Variants in CCSER1 observed in about 807,000 individuals in gnomAD.
CCSER1 encodes coiled-coil serine rich protein 1.
In CCSER1, 41 loss-of-function variants were observed where a neutral mutation model predicts 82.0. The observed-to-expected ratio is 0.50, with a 90% CI of 0.39 to 0.65. CCSER1 has a LOEUF of 0.65. Ranked by LOEUF, CCSER1 falls within the 30% of genes least tolerant of loss-of-function variation. The pLI, the probability that CCSER1 is intolerant of heterozygous loss-of-function variation, is 0.00. For missense variants in CCSER1, 1,119 were observed against 1,064.2 expected (o/e 1.05, Z -0.72); for synonymous variants, 414 against 383.9 (o/e 1.08, Z -0.92).
At chr4:91,502,282 A>T (rs1473867531) in intron 10 of CCSER1, among the ~76,000 whole-genome samples, 2 of 152,216 alleles carry the variant, frequency 1.3e-5, no homozygotes. Flanking sequence ...AAAGGGAAGG[A>T]CAACTCTCTT....
At chr4:90,250,562 C>T (rs764434026) in intron 1 of CCSER1, among the ~76,000 whole-genome samples, 12 of 152,092 alleles carry the variant, frequency 7.9e-5, no homozygotes, top group Non-Finnish European at 1.8e-4. Context: ...TTCTGTTCCA[C>T]TGCTTTATAT....
At chr4:90,433,814 G>A (rs1560511139) in intron 4 of CCSER1, among the ~76,000 whole-genome samples, 1 of 151,756 alleles carries the variant, frequency 6.6e-6, no homozygotes, top group Non-Finnish European at 1.5e-5. Context: ...TCTTAGGACA[G>A]CACATATAAT....
intron 5 of CCSER1, among the ~76,000 whole-genome samples, chr4:90,552,753 A>G (rs1458608430): frequency 6.6e-6 from 1 of 152,074 alleles, no homozygotes; most frequent in Non-Finnish European, 1.5e-5. Flanking sequence ...CACTGCGCAC[A>G]GCCCACAATT....
intron 10 of CCSER1, among the ~76,000 whole-genome samples, chr4:91,548,080 C>T (rs971545068): frequency 2.4e-4 from 36 of 152,130 alleles, no homozygotes; most frequent in African/African-American, 7.0e-4. Context: ...TGAGCCACTG[C>T]GCCTGGCCCT....
intron 3 of CCSER1, among the ~76,000 whole-genome samples, chr4:90,363,388 A>G (rs942382729): frequency 6.6e-6 from 1 of 152,204 alleles, no homozygotes; most frequent in Non-Finnish European, 1.5e-5. Context: ...AGAAAATCAT[A>G]GACTTTTTGA....
At chr4:91,392,783 C>G (rs1163561847) in intron 10 of CCSER1, among the ~76,000 whole-genome samples, 1 of 151,930 alleles carries the variant, frequency 6.6e-6, no homozygotes, top group Non-Finnish European at 1.5e-5. Flanking sequence ...TTGATTTATT[C>G]CAAAAGTCAC....
intron 9 of CCSER1, among the ~76,000 whole-genome samples, chr4:91,053,971 T>A (rs144849017): frequency 6.6e-6 from 1 of 152,346 alleles, no homozygotes; most frequent in African/African-American, 2.4e-5. Flanking sequence ...CCTTTGCCAT[T>A]ATAACATAGT....
At chr4:91,569,410 T>C (rs73836227) in intron 10 of CCSER1, among the ~76,000 whole-genome samples, 10,515 of 152,208 alleles carry the variant, frequency 0.069, 403 homozygotes, top group Middle Eastern at 0.099. Flanking sequence ...GATTGTTTGG[T>C]TGTCTCCTGG....
chr4:90,889,533 A>G (rs1722657652), intron 8 of CCSER1, among the ~76,000 whole-genome samples: 1 of 152,210 alleles, frequency 6.6e-6, no homozygotes, highest in African/African-American at 2.4e-5. Flanking sequence ...ATGGAGAAGG[A>G]TAAGCCCATT....
intron 10 of CCSER1, among the ~76,000 whole-genome samples, chr4:91,167,185 C>CTTTT (rs55920118): frequency 5.2e-4 from 63 of 121,472 alleles, no homozygotes; most frequent in African/African-American, 8.4e-4. Flanking sequence ...AATTGCAATA[C>CTTTT]TTTTTTTTTT....
At chr4:90,202,410 C>A (rs956204426) in intron 1 of CCSER1, among the ~76,000 whole-genome samples, 3 of 152,208 alleles carry the variant, frequency 2.0e-5, no homozygotes, top group Non-Finnish European at 4.4e-5. Context: ...GCCGTGTTGT[C>A]CAGGCTAGTC....
intron 6 of CCSER1, among the ~76,000 whole-genome samples, chr4:90,706,328 C>A (rs1739337094): frequency 6.6e-6 from 1 of 152,122 alleles, no homozygotes; most frequent in African/African-American, 2.4e-5. Flanking sequence ...CACCTGTAAT[C>A]CCAGCACTTT....
intron 9 of CCSER1, among the ~76,000 whole-genome samples, chr4:90,990,508 T>C (rs17017905): frequency 0.067 from 10,154 of 152,024 alleles, 478 homozygotes; most frequent in East Asian, 0.2. Flanking sequence ...TTTATCAGAC[T>C]CTGCTTATCA....
At chr4:90,953,473 T>C (rs1002238655) in intron 9 of CCSER1, among the ~76,000 whole-genome samples, 1 of 151,630 alleles carries the variant, frequency 6.6e-6, no homozygotes, top group Non-Finnish European at 1.5e-5. Context: ...GGCAATTAGA[T>C]AAATTATTTA....
chr4:90,438,649 A>T (rs757300611), intron 4 of CCSER1, among the ~76,000 whole-genome samples: 18 of 152,212 alleles, frequency 1.2e-4, no homozygotes, highest in Non-Finnish European at 2.2e-4. Context: ...AATCTAAAAA[A>T]TGTAGATACA....
chr4:91,413,497 A>G (rs1753183555), intron 10 of CCSER1, among the ~76,000 whole-genome samples: 1 of 151,660 alleles, frequency 6.6e-6, no homozygotes, highest in Non-Finnish European at 1.5e-5. Context: ...GAACAAGAAC[A>G]ACAACAACAA....
chr4:90,864,856 G>C (rs1488814040), intron 8 of CCSER1, among the ~76,000 whole-genome samples: 1 of 151,914 alleles, frequency 6.6e-6, no homozygotes, highest in South Asian at 2.1e-4. Flanking sequence ...ATTCTTGTAG[G>C]CTAAAATATC....
chr4:90,543,665 G>C (rs1004769685), intron 5 of CCSER1, among the ~76,000 whole-genome samples: 1 of 152,110 alleles, frequency 6.6e-6, no homozygotes, highest in African/African-American at 2.4e-5. Context: ...CAGGCATAGA[G>C]TGAAATGTTT....
rs534630175 is a variant in CCSER1, at chr4:91,198,639, A to C, written c.2217+112645A>C. On this transcript the variant is annotated intron_variant, in intron 10 of 10. Coordinates refer to ENST00000509176, the MANE Select transcript of CCSER1 (RefSeq NM_001145065.2). ...CTGCATGATCCATAGGGATGAAAAA[A>C]GAAAGTAGGGATGTCAGAAGTCAGG... Among the ~76,000 whole-genome samples the C allele has an allele frequency of 2.6e-5, 4 of 152,266 alleles. No homozygotes were observed. The East Asian group carries it at 7.7e-4, about 29-fold the overall frequency.
Sources: allele counts gnomAD v4.1 joint callset (sites outside exome capture counted in the v4.1 genomes callset), GRCh38; gene constraint gnomAD v4.1.1; transcripts MANE v1.5; gene names NCBI Gene and HGNC (gene_info 2026-07-23, HGNC 2026-07-21).